The following CRTC3 variants were observed in gnomAD, a reference collection of about 807,000 sequenced individuals.
CRTC3 encodes the protein CREB regulated transcription coactivator 3, also known as CREB-regulated transcription coactivator 3.
Under a neutral mutation model 74.5 loss-of-function variants are expected in CRTC3, and 26 were observed. The ratio of observed to expected loss-of-function variants is 0.35; its 90% CI spans 0.26 to 0.48. The LOEUF is 0.48. CRTC3 is among the 20% of genes least tolerant of loss of function. CRTC3 has a pLI of 0.99. For missense variants in CRTC3, 760 were observed against 787.3 expected (o/e 0.97, Z 0.41); for synonymous variants, 377 against 325.8 (o/e 1.16, Z -1.69).
intron 2 of CRTC3, among the ~76,000 whole-genome samples, chr15:90,588,094 A>G (rs777174088): frequency 1.3e-5 from 2 of 151,766 alleles, no homozygotes; most frequent in Non-Finnish European, 2.9e-5. Context: ...AAACATAAAA[A>G]TAAAAAAATT....
At position 90,642,131 on chromosome 15, in the gene CRTC3, C is replaced by T. The variant is rs1294724459; in HGVS notation, c.1851C>T (p.Asp617=). Residue 617 remains aspartate, a synonymous_variant, in exon 15 of 15, where the codon GAC becomes GAT. Coordinates refer to ENST00000268184, the MANE Select transcript of CRTC3 (RefSeq NM_022769.5). ...CTGTTGAAGAGACGTTTCGAGCTGA[C>T]AGACTGTGAACAGAAGGCAGTGGAA... ...DPSVEETFRA[D]RL 13 of 1,613,744 alleles carry T rather than the reference C, an allele frequency of 8.1e-6. No individual in the cohort carries two copies. The highest frequency in any genetic ancestry group is 1.0e-5 in the Non-Finnish European group (12 of 1,179,796).
chr15:90,546,845 G>A (rs374906595), intron 2 of CRTC3, among the ~76,000 whole-genome samples: 53 of 152,186 alleles, frequency 3.5e-4, no homozygotes, highest in Admixed American at 2.7e-3. Flanking sequence ...GGATGGTCTC[G>A]ATCTCCTGAC....
At chr15:90,597,261 G>T (rs2151079578) in intron 3 of CRTC3, among the ~76,000 whole-genome samples, 1 of 152,378 alleles carries the variant, frequency 6.6e-6, no homozygotes, top group South Asian at 2.1e-4. Context: ...ATCAAGGTTG[G>T]CAGACGTGCC....
chr15:90,535,439 A>T, intron 1 of CRTC3, among the ~76,000 whole-genome samples: 1 of 152,138 alleles, frequency 6.6e-6, no homozygotes, highest in Non-Finnish European at 1.5e-5. Context: ...AACCTCGGTG[A>T]GAGATGCTGT....
At chr15:90,597,272 G>A (rs1044670035) in intron 3 of CRTC3, among the ~76,000 whole-genome samples, 15 of 152,248 alleles carry the variant, frequency 9.9e-5, no homozygotes, top group African/African-American at 2.2e-4. Flanking sequence ...CAGACGTGCC[G>A]TGTCCCAAAC....
intron 2 of CRTC3, among the ~76,000 whole-genome samples, chr15:90,563,897 T>C (rs1967066929): frequency 6.6e-6 from 1 of 152,238 alleles, no homozygotes; most frequent in South Asian, 2.1e-4. Context: ...CCTTCCTTTT[T>C]TTCAAACAAA....
intron 2 of CRTC3, among the ~76,000 whole-genome samples, chr15:90,577,054 G>GT (rs1555448728): frequency 3.3e-5 from 5 of 151,234 alleles, no homozygotes; most frequent in Non-Finnish European, 4.4e-5. Context: ...GTTTTGTTTT[G>GT]TTTTTTTGAG....
At chr15:90,535,611 T>A (rs1340949012) in intron 1 of CRTC3, among the ~76,000 whole-genome samples, 1 of 152,052 alleles carries the variant, frequency 6.6e-6, no homozygotes, top group Non-Finnish European at 1.5e-5. Flanking sequence ...CCTGGAGTGT[T>A]GATTGGACTT....
intron 2 of CRTC3, among the ~76,000 whole-genome samples, chr15:90,572,754 T>G (rs756518519): frequency 1.3e-5 from 2 of 152,146 alleles, no homozygotes; most frequent in Non-Finnish European, 2.9e-5. Context: ...TTTTGTATTT[T>G]TAGTAGAGAC....
intron 7 of CRTC3, among the ~76,000 whole-genome samples, chr15:90,615,695 C>T (rs1033036564): frequency 8.5e-5 from 13 of 152,128 alleles, no homozygotes; most frequent in Admixed American, 5.2e-4. Context: ...AGAAAACAGT[C>T]CCCATTAAGG....
chr15:90,598,705 A>T, intron 3 of CRTC3: 1 of 596,364 alleles, frequency 1.7e-6, no homozygotes, highest in Admixed American at 2.9e-5. Flanking sequence ...TTTGGCAGAG[A>T]ACTTGAGTAG....
chr15:90,533,732 C>T (rs1036260128), intron 1 of CRTC3, among the ~76,000 whole-genome samples: 3 of 152,094 alleles, frequency 2.0e-5, no homozygotes, highest in Admixed American at 1.3e-4. Context: ...ATGAGGAAGA[C>T]ATTCATTTAA....
rs1340336396 is a variant in CRTC3 at position 90,550,445 on chromosome 15, C to T, written c.231+10308C>T. On this transcript the variant is annotated intron_variant, in intron 2 of 14. Transcript: ENST00000268184. ...AAATCATTTCCCTTATTTTCCTTTG[C>T]CTGTTTTTTTTTTTTTGAGTCTATA... 8.1e-5 allele frequency among the ~76,000 whole-genome samples: 5 copies of T among 61,366 alleles called. No individual in the cohort carries two copies. The East Asian group carries it at 1.6e-3, about 20-fold the overall frequency. The allele number at this position is 61,366 out of a possible 152,430, so 40.3% of individuals were successfully genotyped here.
chr15:90,566,778 T>G (rs1967132588), intron 2 of CRTC3, among the ~76,000 whole-genome samples: 2 of 148,446 alleles, frequency 1.3e-5, no homozygotes, highest in African/African-American at 5.0e-5. Context: ...TGACACAATC[T>G]CAGCTCACTG....
chr15:90,630,705 C>G (rs1180562903), intron 11 of CRTC3, among the ~76,000 whole-genome samples: 1 of 150,960 alleles, frequency 6.6e-6, no homozygotes, highest in African/African-American at 2.5e-5. Context: ...CCATAATCAT[C>G]GAGGAATGTG....
At chr15:90,542,710 A>G (rs896681620) in intron 2 of CRTC3, among the ~76,000 whole-genome samples, 1 of 152,254 alleles carries the variant, frequency 6.6e-6, no homozygotes, top group East Asian at 1.9e-4. Flanking sequence ...TCAGAATCAC[A>G]TGCAGTTATT....
chr15:90,598,442 C>T (rs188335197), intron 3 of CRTC3: 2 of 703,018 alleles, frequency 2.8e-6, no homozygotes, highest in Admixed American at 2.0e-5. Context: ...CCCTCTAACA[C>T]TCCACAGGTT....
At chr15:90,535,695 C>T (rs1423950830) in intron 1 of CRTC3, among the ~76,000 whole-genome samples, 2 of 151,998 alleles carry the variant, frequency 1.3e-5, no homozygotes, top group African/African-American at 2.4e-5. Flanking sequence ...CATAGATTAG[C>T]GAGCTCTCAG....
In CRTC3 at chr15:90,642,413, G is replaced by A. The variant is rs1458769508; in HGVS notation, c.*273G>A. ...ATGAACTGGAAAGCTCACCTCCACT[G>A]CATCTTTTTACTGGCCATCCAGTCA... On this transcript the variant is annotated 3_prime_UTR_variant, in exon 15 of 15. Coordinates refer to ENST00000268184, the MANE Select transcript of CRTC3 (RefSeq NM_022769.5). The A allele has an allele frequency of 1.4e-5, 7 of 508,170 alleles. No homozygotes were observed. Among genetic ancestry groups the A allele is most frequent in the East Asian group, 3.4e-5 (1 of 29,440 alleles). 31.5% of individuals were successfully genotyped at this position (508,170 alleles called of 1,614,324 possible).
Sources: gnomAD v4.1 joint callset for allele counts (sites outside exome capture counted in the v4.1 genomes callset) on GRCh38, gnomAD v4.1.1 for gene constraint, MANE v1.5 for transcripts, NCBI Gene and HGNC (gene_info 2026-07-23, HGNC 2026-07-21) for gene names.